FARP2: variants seen among roughly 807,000 people sequenced by gnomAD.
FARP2 encodes the protein FERM, ARH/RhoGEF and pleckstrin domain protein 2, also known as FERM, ARHGEF and pleckstrin domain-containing protein 2.
Under a neutral mutation model 130.5 loss-of-function variants are expected in FARP2, and 111 were observed. That is an observed-to-expected ratio of 0.85 (90% CI 0.73 to 1.00). The LOEUF is 1.00. FARP2 is among the 50% of genes least tolerant of loss of function. The pLI, the probability that FARP2 is intolerant of heterozygous loss-of-function variation, is 0.00. For missense variants in FARP2, 1,385 were observed against 1,346.3 expected, an observed-to-expected ratio of 1.03 and a Z score of -0.45; for synonymous variants, 504 against 516.9, an observed-to-expected ratio of 0.98 and a Z score of 0.34.
At chr2:241,457,067 G>C (rs1046097082) in intron 14 of FARP2, 145 bp downstream of exon 14, 4 of 697,154 alleles carry the variant, frequency 5.7e-6, no homozygotes, top group African/African-American at 5.6e-5. Flanking sequence ...CTCCTGAGCA[G>C]AGAGGAGGTA....
chr2:241,421,309 C>G (rs2062801945), intron 8 of FARP2, among the ~76,000 whole-genome samples: 1 of 152,308 alleles, frequency 6.6e-6, no homozygotes, highest in East Asian at 1.9e-4. Context: ...CCTCAGGACC[C>G]CCAGCAAGGT....
At chr2:241,440,405 GTGT>G (rs1199063904) in intron 12 of FARP2, among the ~76,000 whole-genome samples, 6 of 152,178 alleles carry the variant, frequency 3.9e-5, no homozygotes, top group Non-Finnish European at 2.9e-5. Flanking sequence ...AGGGGAGGAT[GTGT>G]TAGGGCACCT....
At chr2:241,381,252 T>C (rs1276900420) in intron 2 of FARP2, among the ~76,000 whole-genome samples, 1 of 152,136 alleles carries the variant, frequency 6.6e-6, no homozygotes, top group Non-Finnish European at 1.5e-5. Context: ...CACTTTGTCC[T>C]GGGGTGCCAC....
chr2:241,442,246 A>G, intron 13 of FARP2: 4 of 456,710 alleles, frequency 8.8e-6, no homozygotes, highest in South Asian at 6.2e-5. Flanking sequence ...GGCCAGCTCC[A>G]TGGTCAACTT....
chr2:241,359,403 G>C (rs2061133820), intron 1 of FARP2, among the ~76,000 whole-genome samples: 1 of 152,144 alleles, frequency 6.6e-6, no homozygotes, highest in Non-Finnish European at 1.5e-5. Flanking sequence ...TATCCCAGCT[G>C]CAAAACCTAC....
chr2:241,379,376 T>A (rs1013336112), intron 2 of FARP2, among the ~76,000 whole-genome samples: 3 of 152,246 alleles, frequency 2.0e-5, no homozygotes, highest in African/African-American at 4.8e-5. Context: ...TTGCCTTTGC[T>A]GACAAGTGGG....
At chr2:241,389,595 C>G (rs2061861811) in intron 2 of FARP2, among the ~76,000 whole-genome samples, 1 of 152,200 alleles carries the variant, frequency 6.6e-6, no homozygotes, top group South Asian at 2.1e-4. Context: ...AATTTAAAAT[C>G]TTACTCAAGG....
intron 26 of FARP2, chr2:241,493,657 C>G: frequency 3.5e-6 from 2 of 576,618 alleles, no homozygotes; most frequent in Non-Finnish European, 6.2e-6. Flanking sequence ...TGCAGTGATA[C>G]AATCTTGGCT....
chr2:241,493,115 G>A, intron 25 of FARP2, 79 bp downstream of exon 25: 2 of 1,137,812 alleles, frequency 1.8e-6, no homozygotes, highest in Non-Finnish European at 2.7e-6. Flanking sequence ...TGTCCCTTTT[G>A]TATTTTGGTT....
intron 17 of FARP2, among the ~76,000 whole-genome samples, chr2:241,464,423 A>T (rs2064113835): frequency 6.8e-6 from 1 of 146,536 alleles, no homozygotes; most frequent in South Asian, 2.2e-4. Flanking sequence ...TCAGAACAGC[A>T]TCCCCTCAGA....
chr2:241,486,525 G>A (rs200931374), intron 21 of FARP2, among the ~76,000 whole-genome samples: 1 of 6,464 alleles, frequency 1.5e-4, no homozygotes, highest in Admixed American at 2.7e-3. Flanking sequence ...CTCTATCATC[G>A]TACCCACTCA....
intron 13 of FARP2, among the ~76,000 whole-genome samples, chr2:241,456,070 C>T: frequency 6.6e-6 from 1 of 151,948 alleles, no homozygotes; most frequent in Admixed American, 6.6e-5. Flanking sequence ...ATAAAATACA[C>T]AATGAAATAT....
At chr2:241,394,557 C>T (rs1314611837) in intron 2 of FARP2, among the ~76,000 whole-genome samples, 1 of 150,690 alleles carries the variant, frequency 6.6e-6, no homozygotes, top group African/African-American at 2.4e-5. Flanking sequence ...ATACAAGTGA[C>T]ACTGAAAATA....
chr2:241,488,622 G>C (rs375523450), intron 21 of FARP2: 36 of 151,928 alleles, frequency 2.4e-4, no homozygotes, highest in African/African-American at 7.7e-4. Flanking sequence ...GGATGGTCTC[G>C]ATCTCCTGAC....
intron 2 of FARP2, among the ~76,000 whole-genome samples, chr2:241,396,912 T>C (rs190679999): frequency 1.3e-5 from 2 of 152,290 alleles, no homozygotes; most frequent in African/African-American, 4.8e-5. Flanking sequence ...CTATTCACAA[T>C]GGCAAAGACT....
chr2:241,483,739 AC>A (rs1204033909), intron 20 of FARP2: 2 of 945,504 alleles, frequency 2.1e-6, no homozygotes, highest in African/African-American at 3.5e-5. Flanking sequence ...TTCCCCACCC[AC>A]CCCAGGGCCA....
Position 241,411,056 on chromosome 2 carries a change from A to G in FARP2, c.434A>G (p.Lys145Arg). Residue 145 changes from lysine (K) to arginine (R), a missense_variant, in exon 6 of 27, where the codon AAG becomes AGG. Transcript: ENST00000264042. ...YTRYLFALQL[K>R]RDLLEERLTC... Reference sequence around the variant, plus strand: ...AGATACTTGTTTGCCTTGCAACTTAAGAGAGACCTGCTGGAAGAGCGTTTG... The same window carrying G: ...AGATACTTGTTTGCCTTGCAACTTAGGAGAGACCTGCTGGAAGAGCGTTTG... The G allele has an allele frequency of 6.2e-7, 1 of 1,611,370 alleles. No homozygotes were observed. Among genetic ancestry groups the G allele is most frequent in the Non-Finnish European group, 8.5e-7 (1 of 1,178,524 alleles).
chr2:241,476,539 A>C (rs1272294074), intron 19 of FARP2, among the ~76,000 whole-genome samples: 1 of 152,080 alleles, frequency 6.6e-6, no homozygotes, highest in East Asian at 1.9e-4. Flanking sequence ...AATACAAAAA[A>C]TTAGCAGGGC....
chr2:241,424,213 C>G (rs2062876623), intron 8 of FARP2, among the ~76,000 whole-genome samples: 1 of 152,094 alleles, frequency 6.6e-6, no homozygotes, highest in Non-Finnish European at 1.5e-5. Flanking sequence ...TAATCGGAAG[C>G]AAAACACTCC....
Sources: allele counts gnomAD v4.1 joint callset (sites outside exome capture counted in the v4.1 genomes callset), GRCh38; gene constraint gnomAD v4.1.1; transcripts MANE v1.5; gene names NCBI Gene and HGNC (gene_info 2026-07-23, HGNC 2026-07-21).